The following MFSD8 variants were observed in gnomAD, a reference collection of about 807,000 sequenced individuals.
MFSD8 encodes the protein major facilitator superfamily domain containing 8, also known as major facilitator superfamily domain-containing protein 8.
MFSD8 carries 55 observed loss-of-function variants against 66.4 expected under a neutral mutation model. The observed-to-expected ratio is 0.83, with a 90% CI of 0.67 to 1.04. The LOEUF (loss-of-function observed/expected upper bound fraction) is 1.04, where lower values mean the gene tolerates loss of function less well. Ranked by LOEUF, MFSD8 falls within the 50% of genes least tolerant of loss-of-function variation. The pLI is 0.00. For synonymous variants in MFSD8, 202 were observed against 212.8 expected, an observed-to-expected ratio of 0.95 and a Z score of 0.44; for missense variants, 550 against 627.6, an observed-to-expected ratio of 0.88 and a Z score of 1.32.
rs1736151036 is a variant in MFSD8 at position 127,920,062 on chromosome 4, A to G, written c.*568T>C. 6.2e-6 allele frequency: 1 copy of G among 160,524 alleles called. No homozygotes were observed. The highest frequency in any genetic ancestry group is 1.4e-5 in the Non-Finnish European group (1 of 73,158). The allele number at this position is 160,524 out of a possible 1,614,324, so 9.9% of individuals were successfully genotyped here. A position where few individuals can be genotyped will look rare whatever the true frequency, so the allele number is the denominator to read the frequency against. On this transcript the variant is annotated 3_prime_UTR_variant, in exon 12 of 12. Transcript: ENST00000641686. The stretch of plus-strand genomic sequence containing the variant: ...TAAGGCAGAGGTGTAGTATTAGAAG[A>G]AAGACTCATAGAAGGCAAGGTAGGA...
intron 9 of MFSD8, among the ~76,000 whole-genome samples, chr4:127,923,552 T>TGTATTTATTA (rs1553944538): frequency 3.1e-5 from 4 of 130,578 alleles, no homozygotes; most frequent in African/African-American, 1.2e-4. Flanking sequence ...TTTATTTTTA[T>TGTATTTATTA]TTATTATTAT....
intron 1 of MFSD8, among the ~76,000 whole-genome samples, chr4:127,958,119 C>T (rs1560777239): frequency 6.6e-6 from 1 of 152,110 alleles, no homozygotes; most frequent in African/African-American, 2.4e-5. Context: ...ATTTTCAGCC[C>T]TGGGACCTCC....
intron 7 of MFSD8, chr4:127,934,456 G>C (rs1738690499): frequency 6.6e-6 from 1 of 151,696 alleles, no homozygotes; most frequent in Non-Finnish European, 1.5e-5. Flanking sequence ...ATGTAACTGA[G>C]AATCATGCAG....
At chr4:127,923,865 C>G (rs1249385394) in intron 9 of MFSD8, among the ~76,000 whole-genome samples, 1 of 152,054 alleles carries the variant, frequency 6.6e-6, no homozygotes, top group Non-Finnish European at 1.5e-5. Flanking sequence ...CAGGCGTGAG[C>G]CACCGCACCT....
intron 1 of MFSD8, among the ~76,000 whole-genome samples, chr4:127,958,280 ATATACTCAT>A (rs1192191711): frequency 6.6e-6 from 1 of 152,196 alleles, no homozygotes; most frequent in African/African-American, 2.4e-5. Flanking sequence ...ACATGAGTCT[ATATACTCAT>A]TACATTTTCA....
At chr4:127,936,959 T>C (rs1019229783) in intron 7 of MFSD8, among the ~76,000 whole-genome samples, 1 of 152,234 alleles carries the variant, frequency 6.6e-6, no homozygotes, top group East Asian at 1.9e-4. Flanking sequence ...TCACTTTACC[T>C]GATAGCTCCT....
intron 8 of MFSD8, among the ~76,000 whole-genome samples, chr4:127,931,447 T>G (rs575771741): frequency 2.0e-5 from 3 of 152,192 alleles, no homozygotes; most frequent in Admixed American, 1.3e-4. Context: ...AACCTCCATC[T>G]CCTGGGTTCA....
intron 9 of MFSD8, among the ~76,000 whole-genome samples, chr4:127,927,951 C>A (rs1479069434): frequency 6.6e-6 from 1 of 152,094 alleles, no homozygotes; most frequent in Non-Finnish European, 1.5e-5. Flanking sequence ...CAAACTAACT[C>A]CTGGGCTGAA....
At chr4:127,949,878 T>C in intron 2 of MFSD8, 31 bp from the exon 3 acceptor site, 1 of 1,563,564 alleles carries the variant, frequency 6.4e-7, no homozygotes, top group Non-Finnish European at 8.8e-7. Context: ...TTATTTATAC[T>C]TATAATAATT....
intron 9 of MFSD8, among the ~76,000 whole-genome samples, chr4:127,924,794 A>C (rs1388511723): frequency 6.6e-6 from 1 of 152,222 alleles, no homozygotes; most frequent in Non-Finnish European, 1.5e-5. Flanking sequence ...GACAATCCTA[A>C]GCAAAAAGAA....
chr4:127,965,508 T>C (rs1744983184), upstream of MFSD8: 1 of 363,598 alleles, frequency 2.8e-6, no homozygotes. Context: ...GAGCTGCGAT[T>C]GGGGCTGGGA....
chr4:127,956,004 A>C (rs1482296610), intron 2 of MFSD8, among the ~76,000 whole-genome samples: 1 of 152,114 alleles, frequency 6.6e-6, no homozygotes, highest in Non-Finnish European at 1.5e-5. Flanking sequence ...CTGTAGTCCC[A>C]GCTACTCGGG....
intron 4 of MFSD8, 115 bp downstream of exon 4, chr4:127,943,637 G>A (rs1214666270): frequency 8.1e-7 from 1 of 1,241,532 alleles, no homozygotes. Context: ...TGAGAAACAT[G>A]TATGTTGAAC....
chr4:127,949,778 G>A, intron 3 of MFSD8, 26 bp downstream of exon 3: 1 of 1,603,326 alleles, frequency 6.2e-7, no homozygotes, highest in African/African-American at 1.3e-5. Context: ...TAGCTATAAG[G>A]GAAAAATAGA....
intron 3 of MFSD8, among the ~76,000 whole-genome samples, chr4:127,944,742 C>T (rs982818470): frequency 2.0e-5 from 3 of 152,042 alleles, no homozygotes; most frequent in South Asian, 2.1e-4. Context: ...CTCAGTGCAG[C>T]CTCGACCTTT....
upstream of MFSD8, chr4:127,965,193 C>T (rs532558333): frequency 1.5e-5 from 24 of 1,603,880 alleles, no homozygotes; most frequent in Non-Finnish European, 1.8e-5. Context: ...TTTCTCCCAT[C>T]CCGGGTGGCG....
At position 127,943,568 on chromosome 4, in the gene MFSD8, A is replaced by G. The variant is rs564902677; in HGVS notation, c.439+184T>C. The G allele has an allele frequency of 2.7e-5, 17 of 632,526 alleles. No individual in the cohort carries two copies. In the East Asian group the frequency reaches 4.8e-4, roughly 18 times the overall value. 39.2% of individuals were successfully genotyped at this position (632,526 alleles called of 1,614,324 possible). ...GAATGATGAGAACAGAAGAGAAACT[A>G]TAGGTAATGAGAACATCATGAGCAA... On this transcript the variant is annotated intron_variant, in intron 4 of 11. Transcript: ENST00000641686.
rs1238563746 is a variant in MFSD8 at position 127,921,517 on chromosome 4, G to C, written c.1350+7C>G. The stretch of plus-strand genomic sequence containing the variant: ...CTATAATTGCAATGTCAGGGTACCT[G>C]GCTTACCTGAGGTTTTGGTCCTAGA... On this transcript the variant is annotated splice_region_variant and intron_variant, in intron 11 of 11. Coordinates refer to ENST00000641686, the MANE Select transcript of MFSD8 (RefSeq NM_001371596.2). 1 of 1,614,122 alleles carries C rather than the reference G, an allele frequency of 6.2e-7. No homozygotes were observed. The highest frequency in any genetic ancestry group is 8.5e-7 in the Non-Finnish European group (1 of 1,180,036).
rs753433200 is a variant in MFSD8, at chr4:127,949,846, C to A, written c.156G>T (p.Gly52=). The stretch of plus-strand genomic sequence containing the variant: ...ATATGGACATCATCACTACAGAAAA[C>A]CCTGTGAAGAAGCAAACTAGGTTAT... The part of the protein sequence containing the change: ...LYLTMFLSSV[G]FSVVMMSIWP... Residue 52 remains glycine, a splice_region_variant and synonymous_variant, in exon 3 of 12, where the codon GGG becomes GGT. Coordinates refer to ENST00000641686, the MANE Select transcript of MFSD8 (RefSeq NM_001371596.2). The A allele has an allele frequency of 1.9e-5, 31 of 1,608,852 alleles. No homozygotes were observed. The highest frequency in any genetic ancestry group is 2.5e-5 in the Non-Finnish European group (29 of 1,177,494).
Sources: gnomAD v4.1 joint callset for allele counts (sites outside exome capture counted in the v4.1 genomes callset) on GRCh38, gnomAD v4.1.1 for gene constraint, MANE v1.5 for transcripts, NCBI Gene and HGNC (gene_info 2026-07-23, HGNC 2026-07-21) for gene names.